Variants in WDR47 observed in about 807,000 individuals in gnomAD.
The protein encoded by WDR47 is WD repeat domain 47.
A neutral mutation model predicts 97.2 loss-of-function variants in WDR47; 32 were observed. The ratio of observed to expected loss-of-function variants is 0.33; its 90% CI spans 0.25 to 0.44. The LOEUF (loss-of-function observed/expected upper bound fraction) is 0.44, where lower values mean the gene tolerates loss of function less well. WDR47 is among the 20% of genes least tolerant of loss of function. WDR47 has a pLI of 1.00. For missense variants in WDR47, 782 were observed against 1,102.3 expected (o/e 0.71, Z 4.11); for synonymous variants, 375 against 373.5 (o/e 1.00, Z -0.05).
At position 108,981,882 on chromosome 1, in the gene WDR47, C is replaced by T. The variant is rs920742035; in HGVS notation, c.2267-18G>A. On this transcript the variant is annotated intron_variant, in intron 12 of 14. Coordinates refer to ENST00000369962, the MANE Select transcript of WDR47 (RefSeq NM_001142551.2). ...AATATGCCCTATAAAAGATCATATA[C>T]TCAATTATTAAGGTGGGAGAGTATC... is the stretch of plus-strand genomic sequence containing the variant. 1.2e-6 allele frequency: 2 copies of T among 1,606,024 alleles called. No individual in the cohort carries two copies. The highest frequency in any genetic ancestry group is 1.7e-6 in the Non-Finnish European group (2 of 1,176,126).
Position 109,030,401 on chromosome 1 carries a change from TAAA to T in WDR47, c.-9-6883_-9-6881del, listed in dbSNP as rs769793167. ...AAATAAAAAATAAAATAAAATAAAATAAAAATTAAATGTTCATCTGCAATGCGG... is the reference window on the plus strand; with the variant it reads ...AAATAAAAAATAAAATAAAATAAAATAATTAAATGTTCATCTGCAATGCGG... On this transcript the variant is annotated intron_variant, in intron 1 of 14. Transcript: ENST00000369962. The T allele has an allele frequency of 6.4e-4, 265 of 411,324 alleles. 1 individual carries two copies. The highest frequency in any genetic ancestry group is 9.1e-4 in the Non-Finnish European group (219 of 241,658). 25.5% of individuals were successfully genotyped at this position (411,324 alleles called of 1,614,324 possible). A position where few individuals can be genotyped will look rare whatever the true frequency, so the allele number is the denominator to read the frequency against.
chr1:108,991,148 C>T, intron 9 of WDR47, 106 bp downstream of exon 9: 3 of 1,059,810 alleles, frequency 2.8e-6, no homozygotes, highest in Non-Finnish European at 4.2e-6. Context: ...GGGTACTGTA[C>T]ACCACCACGT....
chr1:109,019,318 C>T (rs768203019), intron 2 of WDR47, among the ~76,000 whole-genome samples: 10 of 146,064 alleles, frequency 6.8e-5, no homozygotes, highest in Non-Finnish European at 1.0e-4. Context: ...CTACAAGGCA[C>T]GTTACAGTGA....
intron 1 of WDR47, among the ~76,000 whole-genome samples, chr1:109,032,519 AAAG>A (rs1662673715): frequency 1.1e-5 from 1 of 90,034 alleles, no homozygotes; most frequent in Non-Finnish European, 2.6e-5. Flanking sequence ...AAAAAAAAAA[AAAG>A]ATTTTCTTAC....
At chr1:109,006,992 C>CA (rs1228650167) in intron 5 of WDR47, among the ~76,000 whole-genome samples, 2 of 151,754 alleles carry the variant, frequency 1.3e-5, no homozygotes, top group African/African-American at 4.8e-5. Flanking sequence ...GGCTGGAGTA[C>CA]AGTGGTGCAA....
intron 5 of WDR47, among the ~76,000 whole-genome samples, chr1:109,007,987 A>T (rs1248442248): frequency 6.6e-6 from 1 of 152,068 alleles, no homozygotes; most frequent in Non-Finnish European, 1.5e-5. Context: ...CTGTAATCCC[A>T]GCTACTTGAG....
chr1:108,998,416 C>T (rs1273971342), intron 7 of WDR47, among the ~76,000 whole-genome samples: 5 of 151,820 alleles, frequency 3.3e-5, no homozygotes, highest in Admixed American at 1.3e-4. Flanking sequence ...GATGGTGAAT[C>T]GCTTGAACCT....
At chr1:108,984,520 A>C (rs1363340294) in intron 10 of WDR47, among the ~76,000 whole-genome samples, 1 of 152,196 alleles carries the variant, frequency 6.6e-6, no homozygotes, top group African/African-American at 2.4e-5. Flanking sequence ...GAAAATGTTC[A>C]TAATTAAGAA....
intron 7 of WDR47, among the ~76,000 whole-genome samples, chr1:109,001,299 A>T (rs1660168116): frequency 6.6e-6 from 1 of 152,092 alleles, no homozygotes; most frequent in Non-Finnish European, 1.5e-5. Flanking sequence ...AAGAATGAAT[A>T]AATCAATAAA....
At chr1:109,004,282 C>G (rs1030994245) in intron 6 of WDR47, among the ~76,000 whole-genome samples, 1 of 150,804 alleles carries the variant, frequency 6.6e-6, no homozygotes, top group Non-Finnish European at 1.5e-5. Context: ...AAAAAACAAA[C>G]GTAAACTAGC....
chr1:109,039,293 G>A (rs1048245170), intron 1 of WDR47, among the ~76,000 whole-genome samples: 1 of 151,112 alleles, frequency 6.6e-6, no homozygotes, highest in African/African-American at 2.4e-5. Flanking sequence ...TCGCTTTGTC[G>A]CCCAGGCTGG....
At chr1:109,033,503 C>A (rs912060920) in intron 1 of WDR47, among the ~76,000 whole-genome samples, 9 of 152,168 alleles carry the variant, frequency 5.9e-5, no homozygotes, top group Admixed American at 3.9e-4. Flanking sequence ...ATGCTCACTT[C>A]CACACACAGT....
At chr1:108,998,643 A>C (rs1464681810) in intron 7 of WDR47, among the ~76,000 whole-genome samples, 1 of 152,230 alleles carries the variant, frequency 6.6e-6, no homozygotes, top group Non-Finnish European at 1.5e-5. Context: ...ATCAAGAGGT[A>C]TAAAGTAATG....
chr1:109,030,137 G>C, intron 1 of WDR47: 1 of 1,242,148 alleles, frequency 8.1e-7, no homozygotes, highest in Non-Finnish European at 1.1e-6. Context: ...AGAAACGCCT[G>C]GTGCAGAGCC....
chr1:109,002,146 A>C, intron 7 of WDR47, 78 bp downstream of exon 7: 1 of 1,421,250 alleles, frequency 7.0e-7, no homozygotes, highest in East Asian at 2.4e-5. Flanking sequence ...CAAACTATAC[A>C]TAGAAAGTAG....
intron 3 of WDR47, 132 bp downstream of exon 3, chr1:109,017,386 G>A (rs1216683451): frequency 1.9e-5 from 14 of 736,086 alleles, no homozygotes; most frequent in Non-Finnish European, 3.0e-5. Context: ...TTGGGTGACA[G>A]AGAGAGATCA....
At chr1:109,002,761 A>G (rs1660312254) in intron 6 of WDR47, among the ~76,000 whole-genome samples, 2 of 152,220 alleles carry the variant, frequency 1.3e-5, no homozygotes, top group South Asian at 4.1e-4. Flanking sequence ...ATACTGAGGG[A>G]CTGCATTAAT....
intron 1 of WDR47, 136 bp from the exon 2 acceptor site, chr1:109,023,657 T>C: frequency 5.9e-6 from 5 of 852,712 alleles, no homozygotes; most frequent in Non-Finnish European, 8.5e-6. Context: ...ACTTAGTATT[T>C]ATCAAAACCA....
intron 7 of WDR47, among the ~76,000 whole-genome samples, chr1:108,996,711 T>C (rs1328912059): frequency 1.3e-5 from 2 of 152,232 alleles, no homozygotes; most frequent in Non-Finnish European, 2.9e-5. Context: ...CAAAACAAGT[T>C]AGCCTCAGGG....
Sources: gnomAD v4.1 joint callset for allele counts (sites outside exome capture counted in the v4.1 genomes callset) on GRCh38, gnomAD v4.1.1 for gene constraint, MANE v1.5 for transcripts, NCBI Gene and HGNC (gene_info 2026-07-23, HGNC 2026-07-21) for gene names.